TAF13: variants seen among roughly 807,000 people sequenced by gnomAD.
The protein encoded by TAF13 is transcription initiation factor TFIID subunit 13.
TAF13 carries 9 observed loss-of-function variants against 18.7 expected under a neutral mutation model. The observed-to-expected ratio is 0.48, with a 90% CI of 0.29 to 0.84. The LOEUF is 0.84. TAF13 is among the 40% of genes least tolerant of loss of function. TAF13 has a pLI of 0.08. For synonymous variants in TAF13, 49 were observed against 44.1 expected (o/e 1.11, Z -0.44); for missense variants, 105 against 146.5 (o/e 0.72, Z 1.46).
intron 2 of TAF13, among the ~76,000 whole-genome samples, chr1:109,069,615 C>A (rs1324917502): frequency 1.3e-5 from 2 of 151,012 alleles, no homozygotes; most frequent in Non-Finnish European, 2.9e-5. Context: ...AAGACTTGCA[C>A]AATTTATTGT....
intron 2 of TAF13, among the ~76,000 whole-genome samples, chr1:109,068,556 C>G (rs1392887617): frequency 6.6e-6 from 1 of 152,010 alleles, no homozygotes; most frequent in Non-Finnish European, 1.5e-5. Context: ...CCTTGTTGCC[C>G]AGGCTGGTCT....
In TAF13 at chr1:109,066,211, A is replaced by T. The variant is rs142344117; in HGVS notation, c.128T>A (p.Phe43Tyr). ...AGTATAAGGATTCTGGTCATCCCCA[A>T]AGCCATACATCATACATCGCACTGT... ...SKELRCMMYG[F>Y]GDDQNPYTES... Residue 43 changes from phenylalanine to tyrosine, a missense_variant, in exon 3 of 4, where the codon TTT becomes TAT. Coordinates refer to ENST00000338366, the MANE Select transcript of TAF13 (RefSeq NM_005645.4). 2 of 1,611,940 alleles carry T rather than the reference A, an allele frequency of 1.2e-6. No homozygotes were observed. Among genetic ancestry groups the T allele is most frequent in the African/African-American group, 1.3e-5 (1 of 74,822 alleles).
intron 2 of TAF13, among the ~76,000 whole-genome samples, chr1:109,067,916 G>T (rs752185621): frequency 6.6e-6 from 1 of 152,178 alleles, no homozygotes; most frequent in African/African-American, 2.4e-5. Flanking sequence ...TCTGGTTCGC[G>T]TCTTTACTCA....
At position 109,075,000 on chromosome 1, in the gene TAF13, A is replaced by G. The variant is rs770544041; in HGVS notation, c.93T>C (p.Leu31=). The change falls in exon 2 of 4, where the codon CTT becomes CTC. Residue 31 remains leucine, a synonymous_variant. Coordinates refer to ENST00000338366, the MANE Select transcript of TAF13 (RefSeq NM_005645.4). ...AATACTACTTACATTCTTTAGAAAA[A>G]AGTCTCTTTCTTTTACCCTGTCCAC... ...AEGGQGKRKR[L]FSKELRCMMY... 6 of 1,598,398 alleles carry G rather than the reference A, an allele frequency of 3.8e-6. No homozygotes were observed. Among genetic ancestry groups the G allele is most frequent in the Admixed American group, 1.8e-5 (1 of 54,908 alleles).
rs765150435 is a variant in TAF13 at position 109,066,235 on chromosome 1, G to C, written c.107-3C>G. The C allele has an allele frequency of 6.3e-7, 1 of 1,581,896 alleles. No individual in the cohort carries two copies. The highest frequency in any genetic ancestry group is 8.6e-7 in the Non-Finnish European group (1 of 1,167,364). On this transcript the variant is annotated splice_region_variant and splice_polypyrimidine_tract_variant and intron_variant, in intron 2 of 3. Coordinates refer to ENST00000338366, the MANE Select transcript of TAF13 (RefSeq NM_005645.4). ...AAAGCCATACATCATACATCGCACT[G>C]TAAAAGAACAATCACTTACTTTTGT...
At chr1:109,073,315 G>A (rs1241442436) in intron 2 of TAF13, among the ~76,000 whole-genome samples, 3 of 151,838 alleles carry the variant, frequency 2.0e-5, no homozygotes, top group Non-Finnish European at 4.4e-5. Context: ...CGAGGCAGGC[G>A]GATCACAAGG....
At chr1:109,068,475 T>C (rs1043446962) in intron 2 of TAF13, among the ~76,000 whole-genome samples, 1 of 152,138 alleles carries the variant, frequency 6.6e-6, no homozygotes, top group African/African-American at 2.4e-5. Flanking sequence ...CTTGCTATGT[T>C]GCCTAGGCAG....
chr1:109,072,720 C>T (rs1664097159), intron 2 of TAF13, among the ~76,000 whole-genome samples: 1 of 151,536 alleles, frequency 6.6e-6, no homozygotes, highest in African/African-American at 2.4e-5. Flanking sequence ...GCTGGGATTA[C>T]AGGCGTGAGC....
intron 1 of TAF13, 27 bp downstream of exon 1, chr1:109,075,894 A>C (rs1664169426): frequency 6.2e-7 from 1 of 1,614,174 alleles, no homozygotes; most frequent in Non-Finnish European, 8.5e-7. Context: ...AAGAAAAGAC[A>C]GGTTTTGGAC....
In TAF13 at chr1:109,075,931, TCTTC is replaced by T. The variant is rs1664170273; in HGVS notation, c.13_16del (p.Glu5LysfsTer34). 1.9e-6 allele frequency: 3 copies of T among 1,614,098 alleles called. No homozygotes were observed. In the Admixed American group the frequency reaches 5.0e-5, roughly 27 times the overall value. On this transcript the variant is annotated frameshift_variant, in exon 1 of 4. Transcript: ENST00000338366. LOFTEE classifies it high-confidence loss of function. ...GAGACGGTCACTCACCGTGGGGTCT[TCTTC>T]CTCATCTGCCATCCCACTAGCACGC...
At chr1:109,068,776 C>T (rs1489143089) in intron 2 of TAF13, among the ~76,000 whole-genome samples, 8 of 152,070 alleles carry the variant, frequency 5.3e-5, no homozygotes, top group Admixed American at 2.0e-4. Flanking sequence ...CCAAGGTGGG[C>T]GGATCACCTG....
At chr1:109,068,872 C>G (rs961616374) in intron 2 of TAF13, among the ~76,000 whole-genome samples, 3 of 152,092 alleles carry the variant, frequency 2.0e-5, no homozygotes, top group Non-Finnish European at 4.4e-5. Context: ...CGTGGTGGCA[C>G]GCACCTGTAA....
intron 2 of TAF13, among the ~76,000 whole-genome samples, chr1:109,073,711 G>C (rs937760929): frequency 6.6e-6 from 1 of 152,136 alleles, no homozygotes; most frequent in Non-Finnish European, 1.5e-5. Context: ...ATCTCGGCTC[G>C]CTACAACCTC....
chr1:109,068,423 T>C (rs937551663), intron 2 of TAF13, among the ~76,000 whole-genome samples: 2 of 152,138 alleles, frequency 1.3e-5, no homozygotes, highest in Non-Finnish European at 2.9e-5. Context: ...AGGCCTAAGC[T>C]ACCACACCCA....
chr1:109,066,205 T>C lies in TAF13; in HGVS notation c.134A>G (p.Asp45Gly). Residue 45 changes from aspartate (D) to glycine (G), a missense_variant, in exon 3 of 4, where the codon GAT becomes GGT. By Grantham distance (94) the Asp-to-Gly change is moderately conservative (BLOSUM62 -1). Transcript: ENST00000338366. ...TGACTCAGTATAAGGATTCTGGTCA[T>C]CCCCAAAGCCATACATCATACATCG... ...ELRCMMYGFGDDQNPYTESVD... is the reference protein window; with the variant it reads ...ELRCMMYGFGGDQNPYTESVD... The C allele has an allele frequency of 6.2e-7, 1 of 1,612,466 alleles. No individual in the cohort carries two copies. The highest frequency in any genetic ancestry group is 8.5e-7 in the Non-Finnish European group (1 of 1,179,530).
intron 2 of TAF13, among the ~76,000 whole-genome samples, chr1:109,067,371 G>A (rs866276739): frequency 7.2e-5 from 11 of 151,940 alleles, no homozygotes; most frequent in Admixed American, 1.3e-4. Flanking sequence ...AGGAGGCTGA[G>A]GCAGATCACT....
At chr1:109,065,943 G>C (rs949799056) in intron 3 of TAF13, among the ~76,000 whole-genome samples, 192 bp downstream of exon 3, 1 of 151,398 alleles carries the variant, frequency 6.6e-6, no homozygotes, top group Non-Finnish European at 1.5e-5. Context: ...AAAACAAAAG[G>C]AAGAAGGGGG....
intron 2 of TAF13, among the ~76,000 whole-genome samples, chr1:109,072,907 AT>A (rs1380973359): frequency 6.8e-6 from 1 of 148,110 alleles, no homozygotes; most frequent in Non-Finnish European, 1.5e-5. Flanking sequence ...TAATTTTTGT[AT>A]TTTTAGTAGA....
Position 109,075,957 on chromosome 1 carries a change from AC to A in TAF13, c.-11del. ...CTTCCTCATCTGCCATCCCACTAGCACGCCAACTCACAGCGTCCTGCCGGCT... is the reference window on the plus strand; with the variant it reads ...CTTCCTCATCTGCCATCCCACTAGCAGCCAACTCACAGCGTCCTGCCGGCT... On this transcript the variant is annotated 5_prime_UTR_variant, in exon 1 of 4. Transcript: ENST00000338366. 6.2e-7 allele frequency: 1 copy of A among 1,614,178 alleles called. No individual in the cohort carries two copies. The highest frequency in any genetic ancestry group is 8.5e-7 in the Non-Finnish European group (1 of 1,180,034).
Sources: gnomAD v4.1 joint callset for allele counts (sites outside exome capture counted in the v4.1 genomes callset) on GRCh38, gnomAD v4.1.1 for gene constraint, MANE v1.5 for transcripts, NCBI Gene and HGNC (gene_info 2026-07-23, HGNC 2026-07-21) for gene names.